TRPC4AP: variants seen among roughly 807,000 people sequenced by gnomAD.
TRPC4AP encodes transient receptor potential cation channel subfamily C member 4 associated protein.
TRPC4AP carries 45 observed loss-of-function variants against 99.0 expected under a neutral mutation model. That is an observed-to-expected ratio of 0.45 (90% CI 0.36 to 0.58). The LOEUF (loss-of-function observed/expected upper bound fraction) is 0.58. Ranked by LOEUF, TRPC4AP falls within the 20% of genes least tolerant of loss-of-function variation. The probability of loss-of-function intolerance (pLI) is 0.00; values close to 1 mark genes in which losing one functional copy is unlikely to be tolerated. For synonymous variants in TRPC4AP, 408 were observed against 385.8 expected (o/e 1.06, Z -0.67); for missense variants, 879 against 985.3 (o/e 0.89, Z 1.44).
At chr20:35,055,164 C>T (rs2083795887) in intron 4 of TRPC4AP, 133 bp from the exon 5 acceptor site, 3 of 726,278 alleles carry the variant, frequency 4.1e-6, no homozygotes, top group African/African-American at 1.8e-5. Context: ...TATACTTCTT[C>T]CAGCCCCTGT....
chr20:35,034,994 A>T, intron 8 of TRPC4AP, 129 bp downstream of exon 8: 1 of 971,790 alleles, frequency 1.0e-6, no homozygotes, highest in African/African-American at 1.6e-5. Context: ...GTCATGGTCT[A>T]GAATTGCCTT....
At chr20:35,034,525 G>A (rs181046824) in intron 8 of TRPC4AP, among the ~76,000 whole-genome samples, 2 of 152,084 alleles carry the variant, frequency 1.3e-5, no homozygotes, top group East Asian at 1.9e-4. Context: ...TGGAGCTGGA[G>A]GGAAGAAGAA....
At chr20:35,084,946 A>G (rs950005997) in intron 1 of TRPC4AP, among the ~76,000 whole-genome samples, 6 of 152,230 alleles carry the variant, frequency 3.9e-5, no homozygotes, top group African/African-American at 1.2e-4. Flanking sequence ...AAGCTGTGAT[A>G]TAACTACATT....
Position 35,073,340 on chromosome 20 carries a change from A to G in TRPC4AP, c.298-3928T>C, listed in dbSNP as rs147146528. Among the ~76,000 whole-genome samples the G allele has an allele frequency of 4.8e-3, 733 of 152,166 alleles. 3 individuals are homozygous for G. Among genetic ancestry groups the G allele is most frequent in the African/African-American group, 0.017 (708 of 41,512 alleles). On this transcript the variant is annotated intron_variant, in intron 2 of 18. Transcript: ENST00000252015. ...GAATAGGAGTGTGCTGAGAGAGGGC[A>G]CCCCTGTCTTGTGCCAGTTTTCAAA...
intron 1 of TRPC4AP, among the ~76,000 whole-genome samples, chr20:35,083,065 AT>A (rs1231124915): frequency 6.6e-6 from 1 of 152,208 alleles, no homozygotes; most frequent in Non-Finnish European, 1.5e-5. Flanking sequence ...AAGATAAAAG[AT>A]TCATTTGCAG....
At chr20:35,084,728 GTGTATA>G (rs1318330397) in intron 1 of TRPC4AP, among the ~76,000 whole-genome samples, 18 of 107,534 alleles carry the variant, frequency 1.7e-4, no homozygotes, top group South Asian at 1.6e-3. Context: ...ATGCATATAT[GTGTATA>G]TGTATATATG....
At chr20:35,004,902 A>G (rs2082484537) in intron 16 of TRPC4AP, among the ~76,000 whole-genome samples, 1 of 152,192 alleles carries the variant, frequency 6.6e-6, no homozygotes, top group South Asian at 2.1e-4. Flanking sequence ...AGATGGATCC[A>G]TGACGCTGCA....
At chr20:35,060,453 T>C (rs577565127) in intron 3 of TRPC4AP, among the ~76,000 whole-genome samples, 81 of 151,780 alleles carry the variant, frequency 5.3e-4, no homozygotes, top group Non-Finnish European at 1.1e-3. Context: ...TAGCCAAGCA[T>C]GGTAGCATGC....
chr20:35,003,565 G>T lies in TRPC4AP; in HGVS notation c.2101C>A (p.Arg701=), dbSNP rs1326470267. 1.2e-6 allele frequency: 2 copies of T among 1,613,944 alleles called. No individual in the cohort carries two copies. The highest frequency in any genetic ancestry group is 1.7e-6 in the Non-Finnish European group (2 of 1,179,908). ...AGGTACAGGGGCAGCCGCTCTTTCC[G>T]TCGGGCCAGCATCAGGATCACCAGG... ...TSLVILMLAR[R]KERLPLYLRL... The change falls in exon 18 of 19, where the codon CGG becomes AGG. Residue 701 remains arginine, a synonymous_variant. Transcript: ENST00000252015.
intron 10 of TRPC4AP, among the ~76,000 whole-genome samples, chr20:35,013,869 C>G (rs749421174): frequency 3.3e-5 from 5 of 152,198 alleles, no homozygotes; most frequent in African/African-American, 7.2e-5. Context: ...GCCCAGGGAG[C>G]CTGGCTCTGC....
At chr20:35,063,630 AG>A (rs138130124) in intron 3 of TRPC4AP, among the ~76,000 whole-genome samples, 6,666 of 152,178 alleles carry the variant, frequency 0.044, 479 homozygotes, top group African/African-American at 0.15. Context: ...AAGGTGAGGC[AG>A]GAAGATCATT....
chr20:35,023,707 G>C (rs1040529452), intron 8 of TRPC4AP, among the ~76,000 whole-genome samples: 2 of 152,250 alleles, frequency 1.3e-5, no homozygotes, highest in African/African-American at 2.4e-5. Context: ...CCTCTGTCGT[G>C]CACTGCTGTG....
intron 1 of TRPC4AP, among the ~76,000 whole-genome samples, chr20:35,090,955 T>G (rs1049542314): frequency 6.6e-6 from 1 of 152,054 alleles, no homozygotes; most frequent in Non-Finnish European, 1.5e-5. Flanking sequence ...AAAGGTTATG[T>G]GCTCACTAAA....
chr20:35,004,618 C>A (rs1286658684), intron 16 of TRPC4AP, 48 bp from the exon 17 acceptor site: 1 of 1,556,008 alleles, frequency 6.4e-7, no homozygotes, highest in Non-Finnish European at 8.8e-7. Context: ...GGCCCAGTGG[C>A]TGGGTCGCCC....
chr20:35,057,658 T>C, intron 3 of TRPC4AP, 87 bp from the exon 4 acceptor site: 1 of 1,084,676 alleles, frequency 9.2e-7, no homozygotes, highest in Non-Finnish European at 1.4e-6. Flanking sequence ...ATGGCCCATG[T>C]ATCTGTCACA....
At chr20:35,026,957 C>T (rs1215336503) in intron 8 of TRPC4AP, among the ~76,000 whole-genome samples, 2 of 151,994 alleles carry the variant, frequency 1.3e-5, no homozygotes, top group African/African-American at 4.8e-5. Context: ...ATAGTAGATT[C>T]CTTAGATTTT....
intron 8 of TRPC4AP, among the ~76,000 whole-genome samples, chr20:35,024,667 C>G (rs1361321713): frequency 6.6e-6 from 1 of 151,068 alleles, no homozygotes; most frequent in African/African-American, 2.4e-5. Context: ...CTTTTTATTA[C>G]AAAAAATAAA....
intron 2 of TRPC4AP, among the ~76,000 whole-genome samples, chr20:35,075,949 G>A (rs1049584535): frequency 7.9e-5 from 12 of 151,944 alleles, no homozygotes; most frequent in Admixed American, 6.5e-4. Flanking sequence ...TGGAGGCTTT[G>A]TTTGTTTCTT....
rs886837575 is a variant in TRPC4AP, at chr20:35,076,931, C to T, written c.297+1115G>A. 2.4e-4 allele frequency among the ~76,000 whole-genome samples: 37 copies of T among 152,202 alleles called. 1 individual carries two copies. Among genetic ancestry groups the T allele is most frequent in the Non-Finnish European group, 1.0e-4 (7 of 68,038 alleles). ...CTCCACTCAGTTCGAGCTTCCCGGC[C>T]GCTTTGTTTACCTACGCAAGTCTCA... On this transcript the variant is annotated intron_variant, in intron 2 of 18. Coordinates refer to ENST00000252015, the MANE Select transcript of TRPC4AP (RefSeq NM_015638.3).
Sources: allele counts gnomAD v4.1 joint callset (sites outside exome capture counted in the v4.1 genomes callset), GRCh38; gene constraint gnomAD v4.1.1; transcripts MANE v1.5; gene names NCBI Gene and HGNC (gene_info 2026-07-23, HGNC 2026-07-21).